Variants in PIK3R5 observed in about 807,000 individuals in gnomAD.
PIK3R5 encodes the protein phosphoinositide-3-kinase regulatory subunit 5.
Under a neutral mutation model 94.9 loss-of-function variants are expected in PIK3R5, and 32 were observed. The observed-to-expected ratio is 0.34, with a 90% confidence interval of 0.25 to 0.45. The LOEUF (loss-of-function observed/expected upper bound fraction) is 0.45. PIK3R5 is among the 20% of genes least tolerant of loss of function. The probability of loss-of-function intolerance (pLI) is 1.00; values close to 1 mark genes in which losing one functional copy is unlikely to be tolerated. For missense variants in PIK3R5, 853 were observed against 1,144.6 expected (o/e 0.75, Z 3.68); for synonymous variants, 443 against 479.4 (o/e 0.92, Z 0.99).
In PIK3R5 at chr17:8,935,189, T is replaced by C. The variant is rs549676357; in HGVS notation, c.-13-23682A>G. Among the ~76,000 whole-genome samples, 1 of 152,280 alleles carries C rather than the reference T, an allele frequency of 6.6e-6. No individual in the cohort carries two copies. Among genetic ancestry groups the C allele is most frequent in the Admixed American group, 6.5e-5 (1 of 15,300 alleles). ...CCTGCGTTATAACTGCCTATTTCTCTAGCGGGCTTTCAACTCTGACGTCAA... is the reference window on the plus strand; with the variant it reads ...CCTGCGTTATAACTGCCTATTTCTCCAGCGGGCTTTCAACTCTGACGTCAA... On this transcript the variant is annotated intron_variant, in intron 1 of 18. Coordinates refer to ENST00000447110, the MANE Select transcript of PIK3R5 (RefSeq NM_001142633.3). The surrounding 1 kb of genome is among the most constrained non-coding windows in gnomAD (Gnocchi z 4.5).
intron 1 of PIK3R5, among the ~76,000 whole-genome samples, chr17:8,962,502 A>G (rs1420440706): frequency 6.6e-6 from 1 of 152,272 alleles, no homozygotes; most frequent in African/African-American, 2.4e-5. Context: ...AGCTACTGGA[A>G]AAATTAATGT....
Position 8,911,637 on chromosome 17 carries a change from A to C in PIK3R5, c.-13-130T>G. Reference sequence around the variant, plus strand: ...CCCAGCTATAGCTCAGGTGCTGTGGAAACAGGACCAGGGGCCTTACAGCTG... The same window carrying C: ...CCCAGCTATAGCTCAGGTGCTGTGGCAACAGGACCAGGGGCCTTACAGCTG... On this transcript the variant is annotated intron_variant, in intron 1 of 18. Transcript: ENST00000447110. This position sits in a 1 kb window ranked among gnomAD's most constrained non-coding sequence, Gnocchi z 5.3. 2 of 626,882 alleles carry C rather than the reference A, an allele frequency of 3.2e-6. No individual in the cohort carries two copies. Among genetic ancestry groups the C allele is most frequent in the Non-Finnish European group, 2.8e-6 (1 of 358,528 alleles). The allele number at this position is 626,882 out of a possible 1,614,324, so 38.8% of individuals were successfully genotyped here. A position where few individuals can be genotyped will look rare whatever the true frequency, so the allele number is the denominator to read the frequency against.
Position 8,882,021 on chromosome 17 carries a change from C to T in PIK3R5, c.2206-140G>A. 1.5e-6 allele frequency: 1 copy of T among 668,796 alleles called. No homozygotes were observed. Among genetic ancestry groups the T allele is most frequent in the Non-Finnish European group, 2.7e-6 (1 of 373,540 alleles). 41.4% of individuals were successfully genotyped at this position (668,796 alleles called of 1,614,324 possible). On this transcript the variant is annotated intron_variant, in intron 15 of 18. Coordinates refer to ENST00000447110, the MANE Select transcript of PIK3R5 (RefSeq NM_001142633.3). The surrounding 1 kb of genome is among the most constrained non-coding windows in gnomAD (Gnocchi z 4.1). The stretch of plus-strand genomic sequence containing the variant: ...AGCCCTCTCTTATTCACCAGGGCCC[C>T]TGTACCACCCTGGATAGACCTGGAT...
chr17:8,942,146 T>A (rs1335611464), intron 1 of PIK3R5, among the ~76,000 whole-genome samples: 1 of 151,970 alleles, frequency 6.6e-6, no homozygotes, highest in Non-Finnish European at 1.5e-5. Context: ...TTGCAGAGGG[T>A]CTCACAGGGT....
At chr17:8,898,616 C>A (rs533530442) in intron 5 of PIK3R5, among the ~76,000 whole-genome samples, 4 of 152,162 alleles carry the variant, frequency 2.6e-5, no homozygotes, top group Non-Finnish European at 5.9e-5. Context: ...AGTAACTACC[C>A]AGGGAGGTGT....
intron 1 of PIK3R5, among the ~76,000 whole-genome samples, chr17:8,958,761 T>C (rs1567675883): frequency 7.3e-6 from 1 of 136,774 alleles, no homozygotes; most frequent in Non-Finnish European, 1.6e-5. Context: ...TCTCTCTCTC[T>C]TTTTTTTTTT....
intron 1 of PIK3R5, among the ~76,000 whole-genome samples, chr17:8,954,352 C>T (rs938159980): frequency 6.6e-6 from 1 of 152,198 alleles, no homozygotes; most frequent in Admixed American, 6.5e-5. Flanking sequence ...CCAGGCACCC[C>T]CTGGTGATGT....
intron 1 of PIK3R5, among the ~76,000 whole-genome samples, chr17:8,939,710 C>T (rs1455440709): frequency 1.3e-5 from 2 of 152,206 alleles, no homozygotes; most frequent in Admixed American, 6.5e-5. Flanking sequence ...AACGATGCCA[C>T]GTGTTCTCCA....
chr17:8,916,175 C>G (rs937403199), intron 1 of PIK3R5: 5 of 152,350 alleles, frequency 3.3e-5, no homozygotes, highest in African/African-American at 1.2e-4. Flanking sequence ...GCCAGGGGAC[C>G]CTCAGCTGAG....
chr17:8,883,089 G>T (rs1009083962), intron 15 of PIK3R5, among the ~76,000 whole-genome samples: 2 of 152,190 alleles, frequency 1.3e-5, no homozygotes, highest in Admixed American at 6.5e-5. Context: ...CTTTCATTGG[G>T]TCGGGCGTGG....
At chr17:8,932,384 A>T (rs1467238695) in intron 1 of PIK3R5, among the ~76,000 whole-genome samples, 1 of 152,060 alleles carries the variant, frequency 6.6e-6, no homozygotes, top group Non-Finnish European at 1.5e-5. Context: ...ACAGGCATGC[A>T]CTACCATGCC....
chr17:8,914,679 G>A (rs754782036), intron 1 of PIK3R5, among the ~76,000 whole-genome samples: 3 of 152,212 alleles, frequency 2.0e-5, no homozygotes, highest in Admixed American at 1.3e-4. Flanking sequence ...CTACTCAGCC[G>A]GCAAACTCGC....
intron 1 of PIK3R5, among the ~76,000 whole-genome samples, chr17:8,961,048 CAT>C (rs1012808874): frequency 2.2e-4 from 34 of 152,140 alleles, no homozygotes; most frequent in Non-Finnish European, 1.3e-4. Context: ...GGTGCGAAGA[CAT>C]AGAAAGCACA....
chr17:8,964,597 A>G (rs796978044), intron 1 of PIK3R5, among the ~76,000 whole-genome samples: 36 of 152,270 alleles, frequency 2.4e-4, no homozygotes, highest in African/African-American at 7.5e-4. Context: ...AGCTCATTCA[A>G]AGTTTTGAAA....
At chr17:8,902,189 T>C (rs1240828785) in intron 5 of PIK3R5, among the ~76,000 whole-genome samples, 2 of 151,486 alleles carry the variant, frequency 1.3e-5, no homozygotes, top group East Asian at 1.9e-4. Context: ...TTTCCATAAG[T>C]GTATTTGCCT....
chr17:8,963,163 T>C (rs2091596088), intron 1 of PIK3R5, among the ~76,000 whole-genome samples: 1 of 152,170 alleles, frequency 6.6e-6, no homozygotes, highest in African/African-American at 2.4e-5. Context: ...CTTAACACAT[T>C]GGTTCAGGCT....
Position 8,888,520 on chromosome 17 carries a change from T to C in PIK3R5, c.1267A>G (p.Arg423Gly). 1 of 1,611,204 alleles carries C rather than the reference T, an allele frequency of 6.2e-7. No individual in the cohort carries two copies. The highest frequency in any genetic ancestry group is 1.3e-5 in the African/African-American group (1 of 75,050). Residue 423 changes from arginine (R) to glycine (G), a missense_variant, in exon 10 of 19, where the codon AGG (arginine) becomes GGG (glycine). By Grantham distance (125) the Arg-to-Gly change is moderately radical. Coordinates refer to ENST00000447110, the MANE Select transcript of PIK3R5 (RefSeq NM_001142633.3). The surrounding 1 kb of genome is among the most constrained non-coding windows in gnomAD (Gnocchi z 7.8). ...GTGCTCTTGAAGAGTTTATAGATCC[T>C]GATGAACTTCTGCCCAGGCCTGCGG... ...GHRRPGQKFI[R>G]IYKLFKSTSQ... is the part of the protein sequence containing the mutation.
rs1039697984 is a variant in PIK3R5 at position 8,891,599 on chromosome 17, T to C, written c.483-687A>G. 3.5e-4 allele frequency among the ~76,000 whole-genome samples: 50 copies of C among 142,958 alleles called. 1 individual carries two copies. The highest frequency in any genetic ancestry group is 1.1e-3 in the African/African-American group (41 of 36,972). The allele number at this position is 142,958 out of a possible 152,430, so 93.8% of individuals were successfully genotyped here. ...TTTCTTTATTATGGAACCTTTCTCTTTTTTTTTTTTTTTTGAGACGGAGTC... is the reference window on the plus strand; with the variant it reads ...TTTCTTTATTATGGAACCTTTCTCTCTTTTTTTTTTTTTTGAGACGGAGTC... On this transcript the variant is annotated intron_variant, in intron 6 of 18. Coordinates refer to ENST00000447110, the MANE Select transcript of PIK3R5 (RefSeq NM_001142633.3).
chr17:8,956,867 C>G (rs2091474449), intron 1 of PIK3R5, among the ~76,000 whole-genome samples: 1 of 152,166 alleles, frequency 6.6e-6, no homozygotes. Context: ...GTTTATTTTA[C>G]CAAGTATCAG....
Sources: gnomAD v4.1 joint callset for allele counts (sites outside exome capture counted in the v4.1 genomes callset) on GRCh38, gnomAD v4.1.1 for gene constraint, Gnocchi (gnomAD v3.1) non-coding constraint, MANE v1.5 for transcripts, NCBI Gene and HGNC (gene_info 2026-07-23, HGNC 2026-07-21) for gene names.